The following LGALS2 variants were observed in gnomAD, a reference collection of about 807,000 sequenced individuals.
LGALS2 encodes the protein galectin 2.
In LGALS2, 7 loss-of-function variants were observed where a neutral mutation model predicts 10.1. That is an observed-to-expected ratio of 0.70 (90% CI 0.40 to 1.31). LGALS2 has a LOEUF of 1.31. LGALS2 is among the 50% of genes most tolerant of loss of function. LGALS2 has a pLI of 0.01. For missense variants in LGALS2, 167 were observed against 163.6 expected (o/e 1.02, Z -0.11); for synonymous variants, 86 against 64.2 (o/e 1.34, Z -1.63).
chr22:37,575,640 A>G (rs1925650913), intron 1 of LGALS2, among the ~76,000 whole-genome samples: 1 of 147,778 alleles, frequency 6.8e-6, no homozygotes, highest in Admixed American at 6.7e-5. Flanking sequence ...TTTTTTTTTC[A>G]GATGGGGTCT....
intron 1 of LGALS2, among the ~76,000 whole-genome samples, chr22:37,577,115 G>T (rs1341975868): frequency 6.6e-6 from 1 of 152,128 alleles, no homozygotes; most frequent in African/African-American, 2.4e-5. Context: ...TAAGGGATTT[G>T]GATGATATGG....
rs2145818714 is a variant in LGALS2, at chr22:37,571,767, C to T, written c.89+82G>A. 24 of 1,148,010 alleles carry T rather than the reference C, an allele frequency of 2.1e-5. 1 individual carries two copies. The South Asian group carries it at 2.7e-4, about 13-fold the overall frequency. The allele number at this position is 1,148,010 out of a possible 1,614,324, so 71.1% of individuals were successfully genotyped here. A position where few individuals can be genotyped will look rare whatever the true frequency, so the allele number is the denominator to read the frequency against. On this transcript the variant is annotated intron_variant, in intron 2 of 3. Coordinates refer to ENST00000215886, the MANE Select transcript of LGALS2 (RefSeq NM_006498.3). ...GCCTGACGTCCCTCTTGCCTGAGCA[C>T]TTCACAGGGCTGCCCTGCCTGCCCC...
chr22:37,572,766 C>CAAA (rs1555945278), intron 1 of LGALS2, among the ~76,000 whole-genome samples: 5 of 42,096 alleles, frequency 1.2e-4, no homozygotes, highest in African/African-American at 3.9e-4. Flanking sequence ...AACTCCATCT[C>CAAA]AAAAATAATA....
intron 1 of LGALS2, among the ~76,000 whole-genome samples, chr22:37,573,258 A>C (rs1925558903): frequency 6.6e-6 from 1 of 152,112 alleles, no homozygotes; most frequent in Non-Finnish European, 1.5e-5. Flanking sequence ...GCAACAGAGC[A>C]AGACTCTGTC....
chr22:37,575,052 T>A (rs1925630394), intron 1 of LGALS2, among the ~76,000 whole-genome samples: 1 of 151,716 alleles, frequency 6.6e-6, no homozygotes, highest in Non-Finnish European at 1.5e-5. Flanking sequence ...CTAGCTAATT[T>A]TCTTTGTATT....
intron 1 of LGALS2, among the ~76,000 whole-genome samples, chr22:37,574,049 T>A (rs2145820695): frequency 6.6e-6 from 1 of 152,222 alleles, no homozygotes; most frequent in Non-Finnish European, 1.5e-5. Flanking sequence ...AAATTTTTTC[T>A]TTTTTTCTGG....
intron 1 of LGALS2, 75 bp from the exon 2 acceptor site, chr22:37,572,006 A>G: frequency 8.2e-7 from 1 of 1,216,484 alleles, no homozygotes; most frequent in South Asian, 1.2e-5. Context: ...AGCTTCATCC[A>G]CCTCATGCCA....
chr22:37,572,534 G>A (rs1045422112), intron 1 of LGALS2, among the ~76,000 whole-genome samples: 11 of 152,016 alleles, frequency 7.2e-5, no homozygotes, highest in East Asian at 3.9e-4. Flanking sequence ...TTGGGAGGCC[G>A]AGGCGGGCGG....
chr22:37,572,594 C>T (rs1024600305), intron 1 of LGALS2, among the ~76,000 whole-genome samples: 4 of 151,762 alleles, frequency 2.6e-5, no homozygotes, highest in African/African-American at 7.3e-5. Context: ...GGTGAAACCC[C>T]ATCTCTACTA....
chr22:37,574,982 A>G (rs1156757581), intron 1 of LGALS2, among the ~76,000 whole-genome samples: 2 of 150,962 alleles, frequency 1.3e-5, no homozygotes, highest in African/African-American at 4.9e-5. Flanking sequence ...TCCCAGATTC[A>G]AGCAATTATC....
intron 1 of LGALS2, among the ~76,000 whole-genome samples, chr22:37,572,796 T>TAATAATAATAATA (rs1167291713): frequency 1.7e-4 from 23 of 138,464 alleles, no homozygotes; most frequent in African/African-American, 6.6e-4. Flanking sequence ...ATAATAATAA[T>TAATAATAATAATA]AATAAATAAA....
rs1925454971 is a variant in LGALS2, at chr22:37,570,374, C to G, written c.288G>C (p.Lys96Asn). 6.2e-7 allele frequency: 1 copy of G among 1,613,986 alleles called. No individual in the cohort carries two copies. Among genetic ancestry groups the G allele is most frequent in the Non-Finnish European group, 8.5e-7 (1 of 1,179,982 alleles). Residue 96 changes from lysine (K) to asparagine (N), a missense_variant, in exon 4 of 4, where the codon AAG (lysine) becomes AAC (asparagine). Transcript: ENST00000215886. ...VTFESDKFKVKLPDGHELTFP... is the reference protein window; with the variant it reads ...VTFESDKFKVNLPDGHELTFP... ...AAGTCAGCTCGTGCCCATCTGGCAG[C>G]TTCACCTTGAATTTGTCACTCTCAA...
chr22:37,570,864 A>T, intron 2 of LGALS2, 129 bp from the exon 3 acceptor site: 1 of 1,019,770 alleles, frequency 9.8e-7, no homozygotes, highest in Non-Finnish European at 1.5e-6. Flanking sequence ...TGTGCCTTAA[A>T]ACAAGGGAGG....
rs1262753829 is a variant in LGALS2 at position 37,570,698 on chromosome 22, T to G, written c.127A>C (p.Asn43His). The G allele has an allele frequency of 2.5e-6, 4 of 1,614,248 alleles. No individual in the cohort carries two copies. The Admixed American group carries it at 5.0e-5, about 20-fold the overall frequency. The change falls in exon 3 of 4, where the codon AAC becomes CAC. Residue 43 changes from asparagine (N) to histidine (H), a missense_variant. Asn to His is a moderately conservative substitution (Grantham distance 68). Coordinates refer to ENST00000215886, the MANE Select transcript of LGALS2 (RefSeq NM_006498.3). ...CTGAAGCGAGGGTTGAAATGCAGGT[T>G]CAGCTTGTCTGTCCCCTGGCCCAGA... ...INLGQGTDKL[N>H]LHFNPRFSES...
Position 37,570,270 on chromosome 22 carries a change from T to A in LGALS2, c.392A>T (p.Lys131Ile). The A allele has an allele frequency of 6.2e-7, 1 of 1,604,462 alleles. No individual in the cohort carries two copies. Among genetic ancestry groups the A allele is most frequent in the Non-Finnish European group, 8.5e-7 (1 of 1,172,494 alleles). Residue 131 changes from lysine (K) to isoleucine (I), a missense_variant, in exon 4 of 4, where the codon AAA (lysine) becomes ATA (isoleucine). Lys to Ile is a moderately radical substitution (Grantham distance 102, BLOSUM62 -3). Transcript: ENST00000215886. ...GGFNMSSFKL[K>I]E is the part of the protein sequence containing the mutation. ...ATCTCGGCTGGAAGTCTTTTATTCTTTTAACTTGAAAGAGGACATGTTGAA... is the reference window on the plus strand; with the variant it reads ...ATCTCGGCTGGAAGTCTTTTATTCTATTAACTTGAAAGAGGACATGTTGAA...
intron 1 of LGALS2, among the ~76,000 whole-genome samples, chr22:37,573,730 GT>G (rs11311539): frequency 0.49 from 72,964 of 148,304 alleles, 19,366 homozygotes; most frequent in Non-Finnish European, 0.6. Context: ...TTCTTTTTTT[GT>G]TTTTTTTTTT....
At chr22:37,570,855 G>A (rs1183393640) in intron 2 of LGALS2, 120 bp from the exon 3 acceptor site, 1 of 1,139,862 alleles carries the variant, frequency 8.8e-7, no homozygotes, top group African/African-American at 1.5e-5. Context: ...GTTGAGATCT[G>A]TGCCTTAAAA....
At chr22:37,574,465 G>A (rs140058) in intron 1 of LGALS2, among the ~76,000 whole-genome samples, 52,545 of 146,974 alleles carry the variant, frequency 0.36, 9,528 homozygotes, top group Middle Eastern at 0.38. Flanking sequence ...GCAGTGAGCC[G>A]AGATTGTGCC....
In LGALS2 at chr22:37,579,753, A is replaced by G. The variant is rs1925793393; in HGVS notation, c.6+147T>C. On this transcript the variant is annotated intron_variant, in intron 1 of 3. Coordinates refer to ENST00000215886, the MANE Select transcript of LGALS2 (RefSeq NM_006498.3). The stretch of plus-strand genomic sequence containing the variant: ...CTGGCCCAAGATGCTGTTTTTTAAA[A>G]AAAGACCTCTGTCCAACTTCTTTGC... 5 of 806,428 alleles carry G rather than the reference A, an allele frequency of 6.2e-6. No homozygotes were observed. In the East Asian group the frequency reaches 1.4e-4, roughly 22 times the overall value. 50.0% of individuals were successfully genotyped at this position (806,428 alleles called of 1,614,324 possible).
Sources: gnomAD v4.1 joint callset for allele counts (sites outside exome capture counted in the v4.1 genomes callset) on GRCh38, gnomAD v4.1.1 for gene constraint, MANE v1.5 for transcripts, NCBI Gene and HGNC (gene_info 2026-07-23, HGNC 2026-07-21) for gene names.